Variants in SOX5 observed in about 807,000 individuals in gnomAD.
SOX5 encodes SRY-box transcription factor 5, also known as transcription factor SOX-5.
A neutral mutation model predicts 92.0 loss-of-function variants in SOX5; 9 were observed. The observed-to-expected ratio is 0.10, with a 90% confidence interval of 0.06 to 0.17. The LOEUF (loss-of-function observed/expected upper bound fraction) is 0.17. Among genes scored for constraint, SOX5 ranks in the 10% least tolerant of loss-of-function variants. The pLI is 1.00. For synonymous variants in SOX5, 344 were observed against 336.3 expected (o/e 1.02, Z -0.25); for missense variants, 642 against 944.5 (o/e 0.68, Z 4.20).
intron 4 of SOX5, among the ~76,000 whole-genome samples, chr12:24,076,108 C>T (rs1270040746): frequency 6.6e-6 from 1 of 152,136 alleles, no homozygotes; most frequent in Non-Finnish European, 1.5e-5. Context: ...TGGTTTCTTT[C>T]TCCCTTCTTA....
chr12:24,289,334 T>C (rs1335833404), intron 2 of SOX5, among the ~76,000 whole-genome samples: 1 of 151,982 alleles, frequency 6.6e-6, no homozygotes, highest in Non-Finnish European at 1.5e-5. Flanking sequence ...ACCTAATCCA[T>C]AAAAATACAA....
At chr12:24,060,938 C>T (rs1939564073) in intron 4 of SOX5, among the ~76,000 whole-genome samples, 1 of 152,052 alleles carries the variant, frequency 6.6e-6, no homozygotes, top group African/African-American at 2.4e-5. Flanking sequence ...CTGAAATTGC[C>T]ATTTATTTGA....
chr12:24,126,481 A>C (rs567022005), intron 4 of SOX5, among the ~76,000 whole-genome samples: 1 of 152,250 alleles, frequency 6.6e-6, no homozygotes, highest in South Asian at 2.1e-4. Context: ...CTTACTAATA[A>C]ATAATCTAAC....
chr12:23,537,779 T>C (rs529090434), intron 13 of SOX5, among the ~76,000 whole-genome samples: 4 of 152,178 alleles, frequency 2.6e-5, no homozygotes, highest in Non-Finnish European at 4.4e-5. Flanking sequence ...GAAGTGGTAA[T>C]GTGTCCGGAA....
chr12:23,808,052 T>G (rs1171394167), intron 3 of SOX5, among the ~76,000 whole-genome samples: 2 of 152,084 alleles, frequency 1.3e-5, no homozygotes, highest in Non-Finnish European at 2.9e-5. Flanking sequence ...TCTCAATAGT[T>G]ACCAGAATAT....
At chr12:24,525,498 T>C in intron 1 of SOX5, among the ~76,000 whole-genome samples, 1 of 152,188 alleles carries the variant, frequency 6.6e-6, no homozygotes, top group East Asian at 1.9e-4. Flanking sequence ...ATTGTGCACT[T>C]AAAAATGTGT....
intron 3 of SOX5, among the ~76,000 whole-genome samples, chr12:23,827,325 A>G (rs1023077011): frequency 1.3e-5 from 2 of 152,204 alleles, no homozygotes; most frequent in Non-Finnish European, 2.9e-5. Flanking sequence ...AATCTTCAAA[A>G]ATTATTTTAC....
At chr12:24,419,669 C>G (rs1480326290) in intron 1 of SOX5, among the ~76,000 whole-genome samples, 3 of 152,158 alleles carry the variant, frequency 2.0e-5, no homozygotes, top group Non-Finnish European at 2.9e-5. Context: ...CTATGCTGTG[C>G]TAGTGCTTAC....
Position 24,530,847 on chromosome 12 carries a change from T to C in SOX5, c.-251+31482A>G, listed in dbSNP as rs115793147. 1.1e-3 allele frequency among the ~76,000 whole-genome samples: 160 copies of C among 152,246 alleles called. 2 individuals carry two copies. The highest frequency in any genetic ancestry group is 3.6e-3 in the African/African-American group (151 of 41,548). Reference sequence around the variant, plus strand: ...GTGTCAACCCTTCTAATATTACTCATTGTAGTGGAGAATTCCAAAAATCTC... The same window carrying C: ...GTGTCAACCCTTCTAATATTACTCACTGTAGTGGAGAATTCCAAAAATCTC... On this transcript the variant is annotated intron_variant, in intron 1 of 4. Transcript: ENST00000446891.
intron 4 of SOX5, among the ~76,000 whole-genome samples, chr12:24,200,900 T>C (rs1041289872): frequency 2.6e-5 from 4 of 152,218 alleles, no homozygotes; most frequent in East Asian, 1.9e-4. Flanking sequence ...AAAATGCTAA[T>C]TGATGTCTCA....
At chr12:24,101,436 A>G (rs1474308341) in intron 4 of SOX5, among the ~76,000 whole-genome samples, 1 of 152,142 alleles carries the variant, frequency 6.6e-6, no homozygotes, top group East Asian at 1.9e-4. Context: ...CTTCATGACT[A>G]ACACTCGTTT....
intron 4 of SOX5, among the ~76,000 whole-genome samples, chr12:23,981,716 G>A (rs955504914): frequency 7.9e-5 from 12 of 152,076 alleles, no homozygotes; most frequent in Admixed American, 4.6e-4. Context: ...TTCTGGAGAT[G>A]AGAGTTTTTA....
At chr12:24,305,351 T>A (rs1948449529) in intron 2 of SOX5, among the ~76,000 whole-genome samples, 1 of 152,202 alleles carries the variant, frequency 6.6e-6, no homozygotes. Context: ...ATATGCTTTG[T>A]GACAGTGATG....
chr12:24,271,610 T>C (rs34494219), intron 3 of SOX5, among the ~76,000 whole-genome samples: 25,783 of 152,158 alleles, frequency 0.17, 2,521 homozygotes, highest in Middle Eastern at 0.24. Flanking sequence ...TATTGTTCTG[T>C]CCCTTACACT....
chr12:24,528,435 G>T (rs1474633619), intron 1 of SOX5, among the ~76,000 whole-genome samples: 1 of 152,176 alleles, frequency 6.6e-6, no homozygotes. Flanking sequence ...ACTATGAAAA[G>T]TTGAAAGAGT....
intron 5 of SOX5, among the ~76,000 whole-genome samples, chr12:23,736,812 T>A (rs1264383295): frequency 2.0e-5 from 3 of 151,332 alleles, no homozygotes; most frequent in Non-Finnish European, 2.9e-5. Context: ...TGCCTCAGCC[T>A]CCCGAGTAGC....
chr12:24,156,524 T>C (rs566857575), intron 4 of SOX5, among the ~76,000 whole-genome samples: 1 of 152,280 alleles, frequency 6.6e-6, no homozygotes, highest in African/African-American at 2.4e-5. Flanking sequence ...CTCCCTGATA[T>C]CAGTTTCCAG....
intron 1 of SOX5, among the ~76,000 whole-genome samples, chr12:24,389,240 AATG>A (rs1253186894): frequency 6.6e-6 from 1 of 152,118 alleles, no homozygotes; most frequent in African/African-American, 2.4e-5. Flanking sequence ...GTTTACTGAG[AATG>A]ATGATTTCCA....
chr12:23,962,702 A>G (rs10842245), intron 4 of SOX5, among the ~76,000 whole-genome samples: 5,942 of 152,138 alleles, frequency 0.039, 516 homozygotes, highest in East Asian at 0.36. Flanking sequence ...TGCTATTTTG[A>G]TTGCATTTAA....
Sources: allele counts gnomAD v4.1 joint callset (sites outside exome capture counted in the v4.1 genomes callset), GRCh38; gene constraint gnomAD v4.1.1; transcripts MANE v1.5; gene names NCBI Gene and HGNC (gene_info 2026-07-23, HGNC 2026-07-21).